The following E2F3 variants were observed in gnomAD, a reference collection of about 807,000 sequenced individuals.
E2F3 encodes transcription factor E2F3.
Under a neutral mutation model 44.4 loss-of-function variants are expected in E2F3, and 11 were observed. The ratio of observed to expected loss-of-function variants is 0.25; its 90% CI spans 0.16 to 0.41. E2F3 has a LOEUF of 0.41. Ranked by LOEUF, E2F3 falls within the 10% of genes least tolerant of loss-of-function variation. The pLI is 1.00. For synonymous variants in E2F3, 249 were observed against 253.0 expected (o/e 0.98, Z 0.15); for missense variants, 487 against 583.6 (o/e 0.83, Z 1.70).
chr6:20,485,221 C>G (rs1762352450), intron 4 of E2F3, among the ~76,000 whole-genome samples: 1 of 152,106 alleles, frequency 6.6e-6, no homozygotes, highest in South Asian at 2.1e-4. Flanking sequence ...GTACCATATT[C>G]TTTCATGATA....
At chr6:20,457,081 C>G (rs989462830) in intron 1 of E2F3, among the ~76,000 whole-genome samples, 2 of 152,112 alleles carry the variant, frequency 1.3e-5, no homozygotes, top group Non-Finnish European at 2.9e-5. Context: ...CTCCTCCGCA[C>G]CCCCTTTGCC....
intron 6 of E2F3, among the ~76,000 whole-genome samples, chr6:20,488,930 G>A (rs1396640405): frequency 6.6e-6 from 1 of 152,028 alleles, no homozygotes; most frequent in African/African-American, 2.4e-5. Context: ...GGAGTCGGAG[G>A]TTGCAGTGAG....
At chr6:20,470,643 G>A (rs989545759) in intron 1 of E2F3, among the ~76,000 whole-genome samples, 4 of 151,818 alleles carry the variant, frequency 2.6e-5, no homozygotes, top group African/African-American at 4.8e-5. Flanking sequence ...TACCTGTCTC[G>A]TCTTTGGTTT....
chr6:20,475,485 A>G (rs975848137), intron 1 of E2F3, among the ~76,000 whole-genome samples: 1 of 151,492 alleles, frequency 6.6e-6, no homozygotes, highest in Non-Finnish European at 1.5e-5. Flanking sequence ...TGGGTCCCAG[A>G]CTCTTTTCCA....
intron 1 of E2F3, among the ~76,000 whole-genome samples, chr6:20,405,736 T>C (rs1473177252): frequency 6.6e-6 from 1 of 151,586 alleles, no homozygotes; most frequent in African/African-American, 2.4e-5. Context: ...GGCAGGAAAA[T>C]CGCTTGACCC....
rs1462832221 is a variant in E2F3, at chr6:20,447,360, GAGAA to G, written c.394-32482_394-32479del. On this transcript the variant is annotated intron_variant, in intron 1 of 6. Coordinates refer to ENST00000346618, the MANE Select transcript of E2F3 (RefSeq NM_001949.5). Reference sequence around the variant, plus strand: ...TGTATGAGAGAGAGAGAGAGAGAAAGAGAAAGAGAACAGAGCCTGTAAGTCTTGC... The same window carrying G: ...TGTATGAGAGAGAGAGAGAGAGAAAGAGAGAACAGAGCCTGTAAGTCTTGC... Among the ~76,000 whole-genome samples the G allele has an allele frequency of 3.3e-5, 5 of 151,944 alleles. No homozygotes were observed. In the South Asian group the frequency reaches 1.0e-3, roughly 32 times the overall value.
rs1220725258 is a variant in E2F3, at chr6:20,490,005, G to C, written c.1136-163G>C. Reference sequence around the variant, plus strand: ...GACGGGGGTGGCAAGGAACTTTTTTGTACCTGTTAGCATAAAAGGTGATCT... The same window carrying C: ...GACGGGGGTGGCAAGGAACTTTTTTCTACCTGTTAGCATAAAAGGTGATCT... On this transcript the variant is annotated intron_variant, in intron 6 of 6. Transcript: ENST00000346618. The surrounding 1 kb of genome is among the most constrained non-coding windows in gnomAD (Gnocchi z 4.3). Among the ~76,000 whole-genome samples, 1 of 152,074 alleles carries C rather than the reference G, an allele frequency of 6.6e-6. No homozygotes were observed. Among genetic ancestry groups the C allele is most frequent in the Non-Finnish European group, 1.5e-5 (1 of 67,988 alleles).
chr6:20,471,991 C>G (rs1761903960), intron 1 of E2F3, among the ~76,000 whole-genome samples: 1 of 146,168 alleles, frequency 6.8e-6, no homozygotes, highest in South Asian at 2.2e-4. Context: ...TTGAAGTCAT[C>G]TATAGAGATT....
rs1762172963 is a variant in E2F3 at position 20,480,107 on chromosome 6, A to G, written c.505+150A>G. ...TCTGTGCTTATCCAAAAAAATAAAT[A>G]CAATGTCAGCAGACAACCAGTGAAA... On this transcript the variant is annotated intron_variant, in intron 2 of 6. Coordinates refer to ENST00000346618, the MANE Select transcript of E2F3 (RefSeq NM_001949.5). 3.5e-6 allele frequency: 5 copies of G among 1,408,906 alleles called. No homozygotes were observed. The East Asian group carries it at 7.8e-5, about 22-fold the overall frequency. The allele number at this position is 1,408,906 out of a possible 1,614,324, so 87.3% of individuals were successfully genotyped here.
At chr6:20,439,590 G>GCT (rs1760705787) in intron 1 of E2F3, among the ~76,000 whole-genome samples, 1 of 152,060 alleles carries the variant, frequency 6.6e-6, no homozygotes, top group Non-Finnish European at 1.5e-5. Flanking sequence ...TGCATACAGT[G>GCT]GCGTGATCAT....
intron 1 of E2F3, 23 bp from the exon 2 acceptor site, chr6:20,479,823 G>T: frequency 6.3e-7 from 1 of 1,595,002 alleles, no homozygotes; most frequent in South Asian, 1.1e-5. Flanking sequence ...CCGGTGACGA[G>T]AGATCGCACT....
In E2F3 at chr6:20,437,499, T is replaced by A. The variant is rs1025705968; in HGVS notation, c.393+34874T>A. On this transcript the variant is annotated intron_variant, in intron 1 of 6. Transcript: ENST00000346618. ...AATTGTCTTTTTTTTTTCAAAAAAATTTTTTTTCTAAAAATGTAGTGTTAT... is the reference window on the plus strand; with the variant it reads ...AATTGTCTTTTTTTTTTCAAAAAAAATTTTTTTCTAAAAATGTAGTGTTAT... Among the ~76,000 whole-genome samples the A allele has an allele frequency of 6.1e-4, 92 of 151,686 alleles. 1 individual carries two copies. Among genetic ancestry groups the A allele is most frequent in the Non-Finnish European group, 2.7e-4 (18 of 67,906 alleles).
At chr6:20,467,101 G>A (rs1233397498) in intron 1 of E2F3, among the ~76,000 whole-genome samples, 1 of 152,100 alleles carries the variant, frequency 6.6e-6, no homozygotes, top group East Asian at 1.9e-4. Context: ...CCTAATGTTT[G>A]TATTAGCATC....
chr6:20,441,047 T>G (rs1204615688), intron 1 of E2F3, among the ~76,000 whole-genome samples: 4 of 152,218 alleles, frequency 2.6e-5, no homozygotes, highest in African/African-American at 7.2e-5. Context: ...TTAACCATTT[T>G]TAGGTGTATG....
intron 1 of E2F3, among the ~76,000 whole-genome samples, chr6:20,446,081 C>T (rs372445471): frequency 5.3e-5 from 8 of 152,212 alleles, no homozygotes; most frequent in African/African-American, 1.9e-4. Flanking sequence ...AGAAAACCCA[C>T]GCGGATGTGG....
intron 1 of E2F3, among the ~76,000 whole-genome samples, chr6:20,436,939 G>A (rs1054726553): frequency 6.6e-6 from 1 of 152,190 alleles, no homozygotes; most frequent in Non-Finnish European, 1.5e-5. Flanking sequence ...GGGCAGCACA[G>A]TGAGACCCCA....
intron 4 of E2F3, among the ~76,000 whole-genome samples, chr6:20,483,843 C>A (rs1460494207): frequency 6.6e-6 from 1 of 152,238 alleles, no homozygotes; most frequent in Non-Finnish European, 1.5e-5. Context: ...TGCCCAGATT[C>A]TTCTAGTGTC....
intron 1 of E2F3, among the ~76,000 whole-genome samples, chr6:20,471,472 C>T (rs1169534042): frequency 1.3e-5 from 2 of 152,104 alleles, no homozygotes; most frequent in Non-Finnish European, 2.9e-5. Context: ...ATCCCAGCTA[C>T]TTGGGAGCTG....
chr6:20,446,941 T>A (rs560421760), intron 1 of E2F3, among the ~76,000 whole-genome samples: 35 of 152,252 alleles, frequency 2.3e-4, no homozygotes, highest in African/African-American at 8.2e-4. Flanking sequence ...AGCAAAGAAG[T>A]CTTAATAACA....
Sources: allele counts gnomAD v4.1 joint callset (sites outside exome capture counted in the v4.1 genomes callset), GRCh38; gene constraint gnomAD v4.1.1; non-coding constraint Gnocchi (gnomAD v3.1); transcripts MANE v1.5; gene names NCBI Gene and HGNC (gene_info 2026-07-23, HGNC 2026-07-21).